Variants in STK3 observed in about 807,000 individuals in gnomAD.
STK3 encodes the protein serine/threonine-protein kinase 3.
In STK3, 41 loss-of-function variants were observed where a neutral mutation model predicts 58.0. The observed-to-expected ratio is 0.71, with a 90% confidence interval of 0.55 to 0.92. The LOEUF is 0.92. Among genes scored for constraint, STK3 ranks in the 40% least tolerant of loss-of-function variants. STK3 has a pLI of 0.00. For synonymous variants in STK3, 170 were observed against 191.0 expected (o/e 0.89, Z 0.91); for missense variants, 479 against 602.7 (o/e 0.79, Z 2.15).
At chr8:98,698,616 C>T (rs552762444) in intron 6 of STK3, among the ~76,000 whole-genome samples, 1 of 152,162 alleles carries the variant, frequency 6.6e-6, no homozygotes, top group East Asian at 1.9e-4. Context: ...TTCTCCTTCA[C>T]TTATGAAGCT....
rs1818452709 is a variant in STK3, at chr8:98,623,179, G to C, written c.685-27010C>G. Among the ~76,000 whole-genome samples the C allele has an allele frequency of 2.0e-5, 3 of 151,824 alleles. No individual in the cohort carries two copies. The South Asian group carries it at 6.3e-4, about 32-fold the overall frequency. Reference sequence around the variant, plus strand: ...AGGGAGGGAAGAATAAGATGAGAAGGAGGAGAAAAAGAAACGAAGAAAAAA... The same window carrying C: ...AGGGAGGGAAGAATAAGATGAGAAGCAGGAGAAAAAGAAACGAAGAAAAAA... On this transcript the variant is annotated intron_variant, in intron 6 of 10. Coordinates refer to ENST00000419617, the MANE Select transcript of STK3 (RefSeq NM_006281.4).
At chr8:98,639,110 C>CTTTT (rs200636934) in intron 6 of STK3, among the ~76,000 whole-genome samples, 1 of 138,510 alleles carries the variant, frequency 7.2e-6, no homozygotes, top group Non-Finnish European at 1.6e-5. Flanking sequence ...AGGAGATACA[C>CTTTT]TTTTTTTTTT....
intron 3 of STK3, among the ~76,000 whole-genome samples, chr8:98,756,812 C>G (rs1830313429): frequency 6.6e-6 from 1 of 152,144 alleles, no homozygotes; most frequent in Non-Finnish European, 1.5e-5. Context: ...ATCTAAAGCC[C>G]AAACCTCCAA....
chr8:98,807,318 A>G (rs1833948661), intron 1 of STK3, among the ~76,000 whole-genome samples: 1 of 149,904 alleles, frequency 6.7e-6, no homozygotes, highest in South Asian at 2.3e-4. Flanking sequence ...GTGCAATGGC[A>G]TGATCTTGGC....
At chr8:98,407,781 A>G in intron 3 of STK3, among the ~76,000 whole-genome samples, 1 of 149,220 alleles carries the variant, frequency 6.7e-6, no homozygotes, top group Non-Finnish European at 1.5e-5. Flanking sequence ...CATGCATGGT[A>G]TGACTACTGG....
At chr8:98,652,279 G>A (rs1821013082) in intron 6 of STK3, among the ~76,000 whole-genome samples, 1 of 152,190 alleles carries the variant, frequency 6.6e-6, no homozygotes, top group Non-Finnish European at 1.5e-5. Flanking sequence ...AAAAGCAAAT[G>A]CTGAGAGATT....
chr8:98,781,869 C>T (rs1832112450), intron 1 of STK3, among the ~76,000 whole-genome samples: 1 of 151,912 alleles, frequency 6.6e-6, no homozygotes. Flanking sequence ...GCCAATAAAA[C>T]AGACCCAGAA....
chr8:98,452,232 G>A (rs905215403), downstream of STK3, among the ~76,000 whole-genome samples: 2 of 152,154 alleles, frequency 1.3e-5, no homozygotes, highest in Non-Finnish European at 2.9e-5. Context: ...TTTGAACACT[G>A]GGGAGGTGAT....
At chr8:98,597,682 C>G in intron 6 of STK3, 1 of 985,360 alleles carries the variant, frequency 1.0e-6, no homozygotes, top group Non-Finnish European at 1.2e-6. Flanking sequence ...CTTCCTTTTG[C>G]GTGAGCTCTA....
intron 3 of STK3, among the ~76,000 whole-genome samples, chr8:98,865,885 C>T (rs532264726): frequency 9.8e-5 from 15 of 152,364 alleles, no homozygotes; most frequent in African/African-American, 2.9e-4. Flanking sequence ...CAAGGCCTGT[C>T]GCCTGCCCAC....
At chr8:98,737,998 C>A (rs1224879582) in intron 4 of STK3, among the ~76,000 whole-genome samples, 3 of 152,156 alleles carry the variant, frequency 2.0e-5, no homozygotes, top group African/African-American at 4.8e-5. Flanking sequence ...GCGTGAGCCA[C>A]CGCACCCGGC....
At chr8:98,577,329 A>C (rs944062077) in intron 8 of STK3, among the ~76,000 whole-genome samples, 9 of 152,124 alleles carry the variant, frequency 5.9e-5, no homozygotes, top group Non-Finnish European at 1.2e-4. Flanking sequence ...TCTACTAAAA[A>C]TACAAAAATT....
At chr8:98,896,525 C>A (rs1458615974) in intron 1 of STK3, among the ~76,000 whole-genome samples, 1 of 152,186 alleles carries the variant, frequency 6.6e-6, no homozygotes. Context: ...CATAGTTTCA[C>A]AAACAGTAGC....
At chr8:98,856,909 T>C (rs1836705830) in intron 3 of STK3, among the ~76,000 whole-genome samples, 1 of 152,172 alleles carries the variant, frequency 6.6e-6, no homozygotes, top group Admixed American at 6.6e-5. Context: ...TGCCATAACA[T>C]AGATGAACCT....
chr8:98,549,208 T>C (rs1586835782), intron 8 of STK3, among the ~76,000 whole-genome samples: 1 of 152,134 alleles, frequency 6.6e-6, no homozygotes, highest in Admixed American at 6.6e-5. Context: ...GCTATACCAT[T>C]TTACACTCCC....
At chr8:98,683,950 CATTTGATGGAA>C (rs1823806082) in intron 6 of STK3, among the ~76,000 whole-genome samples, 1 of 152,068 alleles carries the variant, frequency 6.6e-6, no homozygotes, top group Non-Finnish European at 1.5e-5. Context: ...TTATTATTTT[CATTTGATGGAA>C]AACTATGAAC....
downstream of STK3, chr8:98,879,110 G>A (rs1351860386): frequency 6.6e-6 from 1 of 151,766 alleles, no homozygotes; most frequent in Non-Finnish European, 1.5e-5. Flanking sequence ...CAAAATCCAC[G>A]GATATTGAAG....
intron 6 of STK3, among the ~76,000 whole-genome samples, chr8:98,650,285 A>G (rs892032262): frequency 2.6e-5 from 4 of 152,278 alleles, no homozygotes; most frequent in African/African-American, 9.6e-5. Flanking sequence ...AATAGAGGAC[A>G]TACTTGTTAT....
chr8:98,729,147 G>C (rs571623656), intron 4 of STK3, among the ~76,000 whole-genome samples: 1 of 152,278 alleles, frequency 6.6e-6, no homozygotes, highest in African/African-American at 2.4e-5. Flanking sequence ...GTCTCACTCT[G>C]TCACCCATGC....
Sources: allele counts gnomAD v4.1 joint callset (sites outside exome capture counted in the v4.1 genomes callset), GRCh38; gene constraint gnomAD v4.1.1; transcripts MANE v1.5; gene names NCBI Gene and HGNC (gene_info 2026-07-23, HGNC 2026-07-21).